DNAH8: variants seen among roughly 807,000 people sequenced by gnomAD.
DNAH8 encodes dynein axonemal heavy chain 8.
In DNAH8, 382 loss-of-function variants were observed where a neutral mutation model predicts 562.1. The ratio of observed to expected loss-of-function variants is 0.68; its 90% confidence interval spans 0.63 to 0.74. The LOEUF (loss-of-function observed/expected upper bound fraction) is 0.74. DNAH8 is among the 30% of genes least tolerant of loss of function. DNAH8 has a pLI of 0.00. For missense variants in DNAH8, 5,203 were observed against 5,620.4 expected (o/e 0.93, Z 2.37); for synonymous variants, 1,881 against 1,919.4 (o/e 0.98, Z 0.52).
At chr6:39,014,272 G>T (rs996669140) in intron 91 of DNAH8, among the ~76,000 whole-genome samples, 3 of 152,166 alleles carry the variant, frequency 2.0e-5, no homozygotes, top group Non-Finnish European at 4.4e-5. Context: ...TTTCCATTGA[G>T]TTAGGGGAGG....
intron 88 of DNAH8, among the ~76,000 whole-genome samples, chr6:39,001,665 A>G (rs1583545996): frequency 6.6e-6 from 1 of 152,310 alleles, no homozygotes; most frequent in Non-Finnish European, 1.5e-5. Flanking sequence ...GAAGCTGGAG[A>G]TAGAAAAAGG....
At chr6:38,899,560 G>A (rs1011985456) in intron 61 of DNAH8, among the ~76,000 whole-genome samples, 2 of 152,196 alleles carry the variant, frequency 1.3e-5, no homozygotes, top group Non-Finnish European at 2.9e-5. Flanking sequence ...AGTTTGTTCT[G>A]TTCTTCATGA....
Position 38,881,018 on chromosome 6 carries a change from C to G in DNAH8, c.7859-1892C>G, listed in dbSNP as rs114954779. 4.9e-3 allele frequency among the ~76,000 whole-genome samples: 746 copies of G among 152,168 alleles called. 4 individuals carry two copies. The highest frequency in any genetic ancestry group is 0.017 in the African/African-American group (708 of 41,520). ...CTCCAGTCTGGGCCACAGAGGCAGA[C>G]CTTGCTTCAAAAAAAACAAAAACAA... On this transcript the variant is annotated intron_variant, in intron 53 of 92. Transcript: ENST00000327475.
At chr6:38,890,887 G>A (rs987634542) in intron 58 of DNAH8, 126 bp downstream of exon 58, 10 of 646,862 alleles carry the variant, frequency 1.5e-5, no homozygotes, top group Admixed American at 2.7e-5. Context: ...GACAAATTAC[G>A]TGCTCAAATA....
At chr6:38,716,129 T>C (rs1048980692) in intron 1 of DNAH8, among the ~76,000 whole-genome samples, 6 of 149,438 alleles carry the variant, frequency 4.0e-5, no homozygotes, top group Non-Finnish European at 8.9e-5. Context: ...CGGCTAATTT[T>C]TTTTGGTATT....
At chr6:39,023,749 A>G (rs1767084520) in intron 91 of DNAH8, among the ~76,000 whole-genome samples, 1 of 152,196 alleles carries the variant, frequency 6.6e-6, no homozygotes, top group African/African-American at 2.4e-5. Context: ...TGTCTTTAGG[A>G]AGCAGAGACA....
intron 18 of DNAH8, among the ~76,000 whole-genome samples, chr6:38,788,170 G>A (rs1378390694): frequency 7.1e-6 from 1 of 141,136 alleles, no homozygotes; most frequent in African/African-American, 2.6e-5. Flanking sequence ...TTTTTTTGTT[G>A]TTGTTGGAGT....
At chr6:38,802,906 A>G (rs1770905176) in intron 21 of DNAH8, among the ~76,000 whole-genome samples, 1 of 152,208 alleles carries the variant, frequency 6.6e-6, no homozygotes, top group Non-Finnish European at 1.5e-5. Flanking sequence ...CTTTTCACCT[A>G]TGTGAATATC....
chr6:38,866,826 C>A lies in DNAH8; in HGVS notation c.6643C>A (p.Gln2215Lys). Residue 2215 changes from glutamine to lysine, a missense_variant, in exon 47 of 93, where the codon CAA (glutamine) becomes AAA (lysine). Around this residue, in one of 6 missense-constraint regions of DNAH8, gnomAD observed 2,176 missense variants for 2,365.1 expected, o/e 0.92. Transcript: ENST00000327475. ...TTTTCTTGAAAATGTTATCTTGGCT[C>A]AAAAATTTTACGTTCTTTACAAACT... ...CGFLENVILA[Q>K]KFYVLYKLCE... 6.2e-7 allele frequency: 1 copy of A among 1,613,348 alleles called. No homozygotes were observed. Among genetic ancestry groups the A allele is most frequent in the Non-Finnish European group, 8.5e-7 (1 of 1,179,690 alleles).
Position 38,860,564 on chromosome 6 carries a change from T to G in DNAH8, c.6066T>G (p.Asp2022Glu), listed in dbSNP as rs1776541194. ...CTGTGGTGTCTATTACAGATGTTGA[T>G]TTTATTTACCAAAATGAATTTCTGG... is the stretch of plus-strand genomic sequence containing the variant. ...DQTVVSITDVDFIYQNEFLGC... is the reference protein window; with the variant it reads ...DQTVVSITDVEFIYQNEFLGC... The change falls in exon 43 of 93, where the codon GAT becomes GAG. Residue 2022 changes from aspartate (D) to glutamate (E), a missense_variant. This residue lies in a region of DNAH8 where 2,176 missense variants were observed against 2,365.1 expected (regional missense o/e 0.92). Coordinates refer to ENST00000327475, the MANE Select transcript of DNAH8 (RefSeq NM_001206927.2). The G allele has an allele frequency of 6.5e-7, 1 of 1,540,690 alleles. No individual in the cohort carries two copies. Among genetic ancestry groups the G allele is most frequent in the East Asian group, 2.4e-5 (1 of 41,054 alleles).
chr6:38,885,820 C>A (rs1369377553), intron 56 of DNAH8, among the ~76,000 whole-genome samples: 1 of 152,194 alleles, frequency 6.6e-6, no homozygotes, highest in Non-Finnish European at 1.5e-5. Context: ...CCTTGAGCCC[C>A]TCCTATATTC....
At chr6:38,970,600 C>T (rs866495258) in intron 82 of DNAH8, among the ~76,000 whole-genome samples, 1 of 152,144 alleles carries the variant, frequency 6.6e-6, no homozygotes, top group Non-Finnish European at 1.5e-5. Context: ...CACAGGATGC[C>T]ATTTAAATGG....
At position 38,737,911 on chromosome 6, in the gene DNAH8, A is replaced by G. The variant is rs763579484; in HGVS notation, c.1055A>G (p.Asn352Ser). Residue 352 changes from asparagine (N) to serine (S), a missense_variant, in exon 7 of 93, where the codon AAC becomes AGC. Around this residue, in one of 6 missense-constraint regions of DNAH8, gnomAD observed 556 missense variants for 496.9 expected, o/e 1.12. Transcript: ENST00000327475. ...TFEEVTAAAS[N>S]SETVHQLEEV... ...GAAGAAGTAACTGCTGCAGCCAGCA[A>G]CTCAGAAACTGTTCATCAGCTGGAG... The G allele has an allele frequency of 1.9e-6, 3 of 1,607,338 alleles. No homozygotes were observed. The highest frequency in any genetic ancestry group is 2.2e-5 in the South Asian group (2 of 90,378).
intron 21 of DNAH8, 24 bp from the exon 22 acceptor site, chr6:38,803,155 A>G (rs1421225512): frequency 1.3e-6 from 2 of 1,531,546 alleles, no homozygotes; most frequent in Non-Finnish European, 1.8e-6. Context: ...TCTGGAAAAT[A>G]ATAGTCATTT....
intron 4 of DNAH8, among the ~76,000 whole-genome samples, chr6:38,732,219 T>G (rs972218405): frequency 1.3e-5 from 2 of 152,232 alleles, no homozygotes; most frequent in African/African-American, 4.8e-5. Context: ...TGCATTGTGA[T>G]TTTTAGAAAT....
chr6:38,752,622 G>A (rs534896533), intron 9 of DNAH8, among the ~76,000 whole-genome samples: 1 of 111,604 alleles, frequency 9.0e-6, no homozygotes, highest in Non-Finnish European at 2.0e-5. Flanking sequence ...CCAGAGGCAG[G>A]GAGAAGGAAA....
chr6:38,749,161 G>T (rs184025465), intron 8 of DNAH8, among the ~76,000 whole-genome samples: 1 of 152,116 alleles, frequency 6.6e-6, no homozygotes, highest in African/African-American at 2.4e-5. Context: ...AGAAAATGTG[G>T]CACATATACA....
intron 26 of DNAH8, among the ~76,000 whole-genome samples, chr6:38,816,326 A>G (rs1772271979): frequency 6.6e-6 from 1 of 152,156 alleles, no homozygotes; most frequent in African/African-American, 2.4e-5. Flanking sequence ...TACAAGTGAG[A>G]ACATGTAGTG....
intron 11 of DNAH8, chr6:38,762,781 G>A (rs1766644893): frequency 5.9e-6 from 1 of 168,400 alleles, no homozygotes; most frequent in Admixed American, 6.5e-5. Flanking sequence ...GGTCAAGTTT[G>A]AAAAGTGGCC....
Sources: allele counts gnomAD v4.1 joint callset (sites outside exome capture counted in the v4.1 genomes callset), GRCh38; gene constraint gnomAD v4.1.1; regional missense constraint gnomAD v4.1.1; transcripts MANE v1.5; gene names NCBI Gene and HGNC (gene_info 2026-07-23, HGNC 2026-07-21).